Variants in CFAP263 observed in about 807,000 individuals in gnomAD.
CFAP263 encodes the protein cilia and flagella associated protein 263.
the CFAP263 span, chr16:58,254,149 A>G: frequency 4.3e-6 from 7 of 1,614,204 alleles, no homozygotes; most frequent in Middle Eastern, 1.6e-4. Flanking sequence ...CGCGACCTGC[A>G]GCATCACGAG....
At chr16:58,262,534 C>T in the CFAP263 span, 4 of 1,602,622 alleles carry the variant, frequency 2.5e-6, no homozygotes, top group Admixed American at 6.7e-5. Flanking sequence ...TTCTCAATGC[C>T]TACAAAGTAA....
At chr16:58,271,715 A>T in the CFAP263 span, among the ~76,000 whole-genome samples, 1 of 152,252 alleles carries the variant, frequency 6.6e-6, no homozygotes, top group Non-Finnish European at 1.5e-5. Context: ...GACCACAGAC[A>T]TAAAGTGCCA....
At chr16:58,266,688 G>A in the CFAP263 span, among the ~76,000 whole-genome samples, 1 of 151,798 alleles carries the variant, frequency 6.6e-6, no homozygotes, top group Non-Finnish European at 1.5e-5. Flanking sequence ...CCACTCCTCT[G>A]CCCAGCAAAG....
chr16:58,254,066 A>G, the CFAP263 span: 4 of 1,614,260 alleles, frequency 2.5e-6, no homozygotes, highest in African/African-American at 1.3e-5. Context: ...CTGCCGACCA[A>G]AAACTTGAGC....
chr16:58,272,066 G>A, the CFAP263 span, among the ~76,000 whole-genome samples: 19 of 150,370 alleles, frequency 1.3e-4, no homozygotes, highest in Non-Finnish European at 2.7e-4. Context: ...CCAGGCTGGA[G>A]TGCAGTGGCG....
chr16:58,254,204 C>T, the CFAP263 span: 3 of 1,601,300 alleles, frequency 1.9e-6, no homozygotes. Flanking sequence ...AGGCTCCCCA[C>T]CTCTACCCCA....
chr16:58,261,450 G>A, the CFAP263 span, among the ~76,000 whole-genome samples: 2 of 152,218 alleles, frequency 1.3e-5, no homozygotes, highest in African/African-American at 4.8e-5. Context: ...TAATGCCGCT[G>A]CTACACAAAG....
the CFAP263 span, chr16:58,278,503 G>A: frequency 3.8e-5 from 62 of 1,614,182 alleles, no homozygotes; most frequent in African/African-American, 5.9e-4. Flanking sequence ...AGCCGAGGCA[G>A]TGAATAAGAG....
the CFAP263 span, chr16:58,250,213 C>A: frequency 1.5e-6 from 1 of 653,170 alleles, no homozygotes; most frequent in Non-Finnish European, 2.6e-6. Context: ...AGATCCAAGC[C>A]CTCACTGAGC....
the CFAP263 span, chr16:58,280,442 G>T: frequency 6.2e-7 from 1 of 1,613,922 alleles, no homozygotes; most frequent in African/African-American, 1.3e-5. Context: ...TTTCCTAGTC[G>T]TGAATGCGTG....
At chr16:58,272,607 T>G in the CFAP263 span, among the ~76,000 whole-genome samples, 2 of 152,228 alleles carry the variant, frequency 1.3e-5, no homozygotes, top group East Asian at 3.9e-4. Flanking sequence ...CATTATAATC[T>G]TATGGGACCA....
At chr16:58,252,705 A>T in the CFAP263 span, 4 of 1,609,356 alleles carry the variant, frequency 2.5e-6, no homozygotes, top group Non-Finnish European at 3.4e-6. Flanking sequence ...ACTAGAACTT[A>T]CTCAGGTACC....
chr16:58,267,377 G>C, the CFAP263 span: 2 of 810,208 alleles, frequency 2.5e-6, no homozygotes, highest in Middle Eastern at 2.3e-4. Context: ...TGGACTTTCT[G>C]GATGGTCCTG....
chr16:58,280,816 A>C, the CFAP263 span: 1 of 1,465,682 alleles, frequency 6.8e-7, no homozygotes, highest in Non-Finnish European at 9.2e-7. Context: ...TTGTAAATCT[A>C]TCCTTGTGCA....
chr16:58,257,491 G>A, the CFAP263 span, among the ~76,000 whole-genome samples: 4 of 151,650 alleles, frequency 2.6e-5, no homozygotes, highest in South Asian at 2.1e-4. Flanking sequence ...GGCTATTCGC[G>A]GTCGCAATCA....
At chr16:58,258,589 C>A in the CFAP263 span, 1 of 1,471,914 alleles carries the variant, frequency 6.8e-7, no homozygotes. Flanking sequence ...GGAAATCATC[C>A]ATGTGAAGCA....
chr16:58,262,555 G>T, the CFAP263 span: 1 of 1,584,598 alleles, frequency 6.3e-7, no homozygotes, highest in African/African-American at 1.3e-5. Flanking sequence ...GGCCATCCCT[G>T]ATACCCAGGG....
At chr16:58,261,199 C>T in the CFAP263 span, among the ~76,000 whole-genome samples, 1 of 152,176 alleles carries the variant, frequency 6.6e-6, no homozygotes, top group Admixed American at 6.5e-5. Flanking sequence ...AGGAGGGCCA[C>T]AGCCACTGTC....
the CFAP263 span, chr16:58,279,894 C>G: frequency 4.8e-6 from 4 of 827,090 alleles, no homozygotes; most frequent in African/African-American, 1.7e-5. Context: ...AACCCCCCAC[C>G]CAGGCTGCGT....
Sources: allele counts gnomAD v4.1 joint callset (sites outside exome capture counted in the v4.1 genomes callset), GRCh38; gene constraint gnomAD v4.1.1; transcripts MANE v1.5; gene names NCBI Gene and HGNC (gene_info 2026-07-23, HGNC 2026-07-21).